Variants in URB1 observed in about 807,000 individuals in gnomAD.
The protein encoded by URB1 is URB1 ribosome biogenesis factor.
A neutral mutation model predicts 242.3 loss-of-function variants in URB1; 197 were observed. That is an observed-to-expected ratio of 0.81 (90% CI 0.72 to 0.91). URB1 has a LOEUF of 0.91. Ranked by LOEUF, URB1 falls within the 40% of genes least tolerant of loss-of-function variation. The pLI is 0.00. For synonymous variants in URB1, 1,153 were observed against 1,201.8 expected (o/e 0.96, Z 0.84); for missense variants, 2,721 against 2,860.5 (o/e 0.95, Z 1.11).
chr21:32,354,125 C>A, intron 17 of URB1, 22 bp from the exon 18 acceptor site: 2 of 1,551,234 alleles, frequency 1.3e-6, no homozygotes, highest in Non-Finnish European at 1.7e-6. Context: ...AGAGGAGAAT[C>A]CAGCTGATGT....
Position 32,338,713 on chromosome 21 carries a change from C to T in URB1, c.4504G>A (p.Val1502Ile). 1 of 1,551,172 alleles carries T rather than the reference C, an allele frequency of 6.4e-7. No homozygotes were observed. The highest frequency in any genetic ancestry group is 2.4e-5 in the East Asian group (1 of 40,914). ...GGCTGGGGTGAGGGGTCACCTTTTACTTGGCTGTCCGGGCTCTCCTCTCCG... is the reference window on the plus strand; with the variant it reads ...GGCTGGGGTGAGGGGTCACCTTTTATTTGGCTGTCCGGGCTCTCCTCTCCG... ...SDGEESPDSQ[V>I]KEALVDLMLT... Residue 1502 changes from valine (V) to isoleucine (I), a missense_variant, in exon 26 of 39, where the codon GTA becomes ATA. Transcript: ENST00000382751.
At position 32,347,386 on chromosome 21, in the gene URB1, C is replaced by A. The variant is rs2070378; in HGVS notation, c.3438G>T (p.Lys1146Asn). Residue 1146 changes from lysine to asparagine, a missense_variant, in exon 22 of 39, where the codon AAG becomes AAT. Coordinates refer to ENST00000382751, the MANE Select transcript of URB1 (RefSeq NM_014825.3). ...TTCCAAGAGCATTCAGGTGTCTTTC[C>A]TTCCCGGGGGATTTCGTGGGTTGCT... is the stretch of plus-strand genomic sequence containing the variant. Reference protein sequence around the residue: ...VTQQPTKSPGKERHLNALGKT... With the variant: ...VTQQPTKSPGNERHLNALGKT... The A allele has an allele frequency of 4.5e-6, 7 of 1,551,268 alleles. No homozygotes were observed. The highest frequency in any genetic ancestry group is 6.1e-6 in the Non-Finnish European group (7 of 1,146,942).
At chr21:32,357,033 T>C (rs938295288) in intron 15 of URB1, among the ~76,000 whole-genome samples, 1 of 152,230 alleles carries the variant, frequency 6.6e-6, no homozygotes, top group Non-Finnish European at 1.5e-5. Context: ...AAGCTGTTTG[T>C]TGCAGAGCAG....
chr21:32,354,715 T>C (rs2033198900), intron 17 of URB1, 144 bp downstream of exon 17: 18 of 1,110,630 alleles, frequency 1.6e-5, no homozygotes, highest in Non-Finnish European at 2.1e-5. Context: ...GGAGATTATT[T>C]CCAGAACAGG....
rs743326 is a variant in URB1 at position 32,349,527 on chromosome 21, T to A, written c.2833-44A>T. 8.3e-4 allele frequency: 1,234 copies of A among 1,491,778 alleles called. 13 individuals are homozygous for A. In the East Asian group the frequency reaches 0.025, roughly 30 times the overall value. The allele number at this position is 1,491,778 out of a possible 1,614,324, so 92.4% of individuals were successfully genotyped here. A position where few individuals can be genotyped will look rare whatever the true frequency, so the allele number is the denominator to read the frequency against. The stretch of plus-strand genomic sequence containing the variant: ...GAGCCTCAGCAGGGAAGAGACGGGT[T>A]CACAGCTACCAGGCAGTGACTTCCA... On this transcript the variant is annotated intron_variant, in intron 20 of 38. Transcript: ENST00000382751.
At chr21:32,362,544 A>G (rs2033300969) in intron 11 of URB1, among the ~76,000 whole-genome samples, 1 of 152,146 alleles carries the variant, frequency 6.6e-6, no homozygotes, top group Non-Finnish European at 1.5e-5. Flanking sequence ...TATACACAGT[A>G]AGGATTTGGT....
intron 30 of URB1, among the ~76,000 whole-genome samples, chr21:32,331,626 A>G (rs2032893416): frequency 6.6e-6 from 1 of 152,346 alleles, no homozygotes; most frequent in South Asian, 2.1e-4. Context: ...GCTCTCACAC[A>G]CACAAAGGCC....
chr21:32,314,557 C>A lies in URB1; in HGVS notation c.*361G>T, dbSNP rs549308396. 74 of 1,613,692 alleles carry A rather than the reference C, an allele frequency of 4.6e-5. No individual in the cohort carries two copies. In the South Asian group the frequency reaches 7.6e-4, roughly 17 times the overall value. ...ATACCTTTTGACATTTCAGCTTTAA[C>A]ACAGATGAATCTCTTCTGCATTCAG... On this transcript the variant is annotated 3_prime_UTR_variant, in exon 39 of 39. Coordinates refer to ENST00000382751, the MANE Select transcript of URB1 (RefSeq NM_014825.3).
chr21:32,344,963 T>C (rs1047254480), intron 23 of URB1, among the ~76,000 whole-genome samples: 1 of 152,146 alleles, frequency 6.6e-6, no homozygotes, highest in Admixed American at 6.5e-5. Flanking sequence ...GAAATACTAT[T>C]AGTACACCAG....
intron 1 of URB1, among the ~76,000 whole-genome samples, chr21:32,390,784 T>G (rs1196046284): frequency 6.6e-6 from 1 of 152,180 alleles, no homozygotes; most frequent in African/African-American, 2.4e-5. Context: ...GTAAACTAGT[T>G]CAACCATTGT....
chr21:32,373,577 T>C (rs573328313), intron 7 of URB1, 70 bp downstream of exon 7: 2 of 1,465,308 alleles, frequency 1.4e-6, no homozygotes, highest in Non-Finnish European at 1.8e-6. Flanking sequence ...GTGTTGAGAA[T>C]TCTCCCTCTC....
At chr21:32,321,646 C>A (rs377220869) in intron 34 of URB1, among the ~76,000 whole-genome samples, 155 bp downstream of exon 34, 1 of 152,198 alleles carries the variant, frequency 6.6e-6, no homozygotes, top group East Asian at 1.9e-4. Context: ...ACAGGACAGG[C>A]GCTCTCAACA....
At chr21:32,344,826 C>A (rs1601135033) in intron 23 of URB1, 70 bp from the exon 24 acceptor site, 3 of 1,470,874 alleles carry the variant, frequency 2.0e-6, no homozygotes, top group South Asian at 1.4e-5. Context: ...TATAATCCAG[C>A]ATCACAAAGA....
At chr21:32,331,617 C>T (rs972104388) in intron 30 of URB1, among the ~76,000 whole-genome samples, 5 of 152,340 alleles carry the variant, frequency 3.3e-5, no homozygotes, top group African/African-American at 1.2e-4. Context: ...CATCGACAGG[C>T]TCTCACACAC....
In URB1 at chr21:32,333,538, A is replaced by C. The variant is rs573006719; in HGVS notation, c.4858-119T>G. 34 of 778,174 alleles carry C rather than the reference A, an allele frequency of 4.4e-5. No homozygotes were observed. The South Asian group carries it at 5.5e-4, about 13-fold the overall frequency. The allele number at this position is 778,174 out of a possible 1,614,324, so 48.2% of individuals were successfully genotyped here. ...ATGTTTCAGATTTTGGAATATTTGC[A>C]TACATAATGAGATATCTTGGGGATG... is the stretch of plus-strand genomic sequence containing the variant. On this transcript the variant is annotated intron_variant, in intron 29 of 38. Transcript: ENST00000382751.
At chr21:32,355,330 GAAGT>G in intron 16 of URB1, 115 bp downstream of exon 16, 1 of 867,848 alleles carries the variant, frequency 1.2e-6, no homozygotes, top group Non-Finnish European at 1.8e-6. Context: ...CAAGAATTAG[GAAGT>G]AAGCCAGGAC....
rs139698268 is a variant in URB1 at position 32,312,569 on chromosome 21, C to T, written c.*2349G>A. 0.017 allele frequency: 2,723 copies of T among 164,174 alleles called. 82 individuals carry two copies. The highest frequency in any genetic ancestry group is 0.061 in the African/African-American group (2,544 of 41,820). The allele number at this position is 164,174 out of a possible 1,614,324, so 10.2% of individuals were successfully genotyped here. On this transcript the variant is annotated 3_prime_UTR_variant, in exon 39 of 39. Coordinates refer to ENST00000382751, the MANE Select transcript of URB1 (RefSeq NM_014825.3). ...TCTCCCCTGGAGGGCAGGCAGCCAA[C>T]GCCTGTCAGCAGCCAGGCCGGGTAA... is the stretch of plus-strand genomic sequence containing the variant.
chr21:32,385,800 C>T, intron 1 of URB1, 116 bp from the exon 2 acceptor site: 1 of 1,293,258 alleles, frequency 7.7e-7, no homozygotes, highest in African/African-American at 1.5e-5. Flanking sequence ...ACCTACACTG[C>T]ACAGAAGCTA....
At position 32,354,171 on chromosome 21, in the gene URB1, A is replaced by C. The variant is rs566782892; in HGVS notation, c.2246-68T>G. 276 of 1,520,450 alleles carry C rather than the reference A, an allele frequency of 1.8e-4. 2 individuals carry two copies. Among genetic ancestry groups the C allele is most frequent in the Non-Finnish European group, 1.9e-4 (219 of 1,128,322 alleles). The allele number at this position is 1,520,450 out of a possible 1,614,324, so 94.2% of individuals were successfully genotyped here. ...GAAGGGTTTCACTGCAAATACCCAC[A>C]GGGAGGCAGAAGCAGAATACGTGCA... On this transcript the variant is annotated intron_variant, in intron 17 of 38. Coordinates refer to ENST00000382751, the MANE Select transcript of URB1 (RefSeq NM_014825.3).
Sources: allele counts gnomAD v4.1 joint callset (sites outside exome capture counted in the v4.1 genomes callset), GRCh38; gene constraint gnomAD v4.1.1; transcripts MANE v1.5; gene names NCBI Gene and HGNC (gene_info 2026-07-23, HGNC 2026-07-21).